Variants in CEP104 observed in about 807,000 individuals in gnomAD.
The protein encoded by CEP104 is centrosomal protein of 104 kDa.
Under a neutral mutation model 113.3 loss-of-function variants are expected in CEP104, and 84 were observed. The ratio of observed to expected loss-of-function variants is 0.74; its 90% CI spans 0.62 to 0.89. CEP104 has a LOEUF of 0.89. Among genes scored for constraint, CEP104 ranks in the 40% least tolerant of loss-of-function variants. The pLI is 0.00. For missense variants in CEP104, 1,053 were observed against 1,156.6 expected (o/e 0.91, Z 1.30); for synonymous variants, 378 against 421.7 (o/e 0.90, Z 1.27).
At chr1:3,834,090 G>C (rs1052383739) in intron 11 of CEP104, 55 bp from the exon 12 acceptor site, 1 of 1,361,418 alleles carries the variant, frequency 7.3e-7, no homozygotes, top group African/African-American at 1.4e-5. Context: ...TCCACCAAGA[G>C]GAAACATGGC....
chr1:3,844,079 C>T (rs991113248), intron 6 of CEP104, among the ~76,000 whole-genome samples: 25 of 151,520 alleles, frequency 1.6e-4, no homozygotes, highest in Non-Finnish European at 2.9e-4. Flanking sequence ...TTTTTAAAAA[C>T]GTATGTGATA....
At chr1:3,856,272 C>T (rs1644726639) in intron 1 of CEP104, among the ~76,000 whole-genome samples, 1 of 152,132 alleles carries the variant, frequency 6.6e-6, no homozygotes, top group Admixed American at 6.5e-5. Flanking sequence ...AGTCGGGCTA[C>T]TCGGGAGGCT....
At position 3,819,925 on chromosome 1, in the gene CEP104, G is replaced by T. The variant is rs112071309; in HGVS notation, c.2571+3249C>A. The stretch of plus-strand genomic sequence containing the variant: ...TCTAGGAGTTGAGTGGCTCCGGGTT[G>T]ACAGCCCCCAAGAACATATTACTGC... On this transcript the variant is annotated intron_variant, in intron 20 of 21. Coordinates refer to ENST00000378230, the MANE Select transcript of CEP104 (RefSeq NM_014704.4). This position sits in a 1 kb window ranked among gnomAD's most constrained non-coding sequence, Gnocchi z 4.6. Among the ~76,000 whole-genome samples, 3 of 152,264 alleles carry T rather than the reference G, an allele frequency of 2.0e-5. No homozygotes were observed. Among genetic ancestry groups the T allele is most frequent in the African/African-American group, 7.2e-5 (3 of 41,572 alleles).
chr1:3,831,607 T>C (rs7524765), intron 12 of CEP104, among the ~76,000 whole-genome samples: 55,456 of 152,116 alleles, frequency 0.36, 10,783 homozygotes, highest in Admixed American at 0.46. Context: ...TATTTTAGTA[T>C]TTATTAAATG....
At chr1:3,844,771 A>G (rs1406654994) in intron 6 of CEP104, 136 bp downstream of exon 6, 4 of 573,166 alleles carry the variant, frequency 7.0e-6, no homozygotes, top group Non-Finnish European at 1.2e-5. Context: ...TAAATTTCAG[A>G]CAATCCAATC....
At chr1:3,856,004 G>A in intron 1 of CEP104, 3 of 941,350 alleles carry the variant, frequency 3.2e-6, no homozygotes, top group Non-Finnish European at 3.8e-6. Flanking sequence ...TCCTAGTGCT[G>A]GCATGGTAAA....
chr1:3,845,293 T>C lies in CEP104; in HGVS notation c.485A>G (p.Asn162Ser), dbSNP rs867268929. Residue 162 changes from asparagine to serine, a missense_variant, in exon 5 of 22, where the codon AAT becomes AGT. Physicochemically the swap from Asn to Ser is conservative, Grantham distance 46 (BLOSUM62 1). Transcript: ENST00000378230. The stretch of plus-strand genomic sequence containing the variant: ...ATTAAAACTTTCCAAACTTACAGTA[T>C]TGCTTTCATCACTGAAATCTGCAGG... Reference protein sequence around the residue: ...GDPADFSDESNTASREKLIDH... With the variant: ...GDPADFSDESSTASREKLIDH... 1.7e-5 allele frequency: 27 copies of C among 1,601,284 alleles called. No homozygotes were observed. In the Middle Eastern group the frequency reaches 3.8e-3, roughly 226 times the overall value.
In CEP104 at chr1:3,856,914, G is replaced by A. The variant is rs1644746484; in HGVS notation, c.-40C>T. On this transcript the variant is annotated 5_prime_UTR_variant, in exon 1 of 22. Coordinates refer to ENST00000378230, the MANE Select transcript of CEP104 (RefSeq NM_014704.4). ...CTGCTTAGAGGGAAGGGCCCCGACT[G>A]GCGCTGCCGCGGCCCCGGTGGAGAG... is the stretch of plus-strand genomic sequence containing the variant. 6.6e-6 allele frequency: 1 copy of A among 151,852 alleles called. No homozygotes were observed. The highest frequency in any genetic ancestry group is 6.6e-5 in the Admixed American group (1 of 15,234). The allele number at this position is 151,852 out of a possible 1,614,324, so 9.4% of individuals were successfully genotyped here. A position where few individuals can be genotyped will look rare whatever the true frequency, so the allele number is the denominator to read the frequency against.
rs7540242 is a variant in CEP104, at chr1:3,836,243, T to G, written c.1317+252A>C. 9.3e-3 allele frequency among the ~76,000 whole-genome samples: 1,404 copies of G among 150,628 alleles called. 19 individuals are homozygous for G. Among genetic ancestry groups the G allele is most frequent in the African/African-American group, 0.032 (1,324 of 40,932 alleles). ...ACAGGGTGAAGCCAGGAGGCGGAGCTTGCAGTGAGCGGAGATCTTGCCACT... is the reference window on the plus strand; with the variant it reads ...ACAGGGTGAAGCCAGGAGGCGGAGCGTGCAGTGAGCGGAGATCTTGCCACT... On this transcript the variant is annotated intron_variant, in intron 10 of 21. Transcript: ENST00000378230.
chr1:3,823,244 G>C lies in CEP104; in HGVS notation c.2504-3C>G, dbSNP rs1442394418. On this transcript the variant is annotated splice_polypyrimidine_tract_variant and splice_region_variant and intron_variant, in intron 19 of 21. Transcript: ENST00000378230. The surrounding 1 kb of genome is among the most constrained non-coding windows in gnomAD (Gnocchi z 4.1). ...TGCCAGCTTCTCCGGTTTGGCAGCTGAAATGATTTTAAAAAGACTCAGTCG... is the reference window on the plus strand; with the variant it reads ...TGCCAGCTTCTCCGGTTTGGCAGCTCAAATGATTTTAAAAAGACTCAGTCG... The C allele has an allele frequency of 6.2e-7, 1 of 1,614,172 alleles. No individual in the cohort carries two copies. The highest frequency in any genetic ancestry group is 2.2e-5 in the East Asian group (1 of 44,882).
At chr1:3,847,423 TC>T in intron 4 of CEP104, 51 bp downstream of exon 4, 1 of 1,490,694 alleles carries the variant, frequency 6.7e-7, no homozygotes, top group Non-Finnish European at 9.0e-7. Flanking sequence ...GACCACATAA[TC>T]CCACAAAGAA....
At chr1:3,852,806 G>A (rs1039215272) in intron 1 of CEP104, among the ~76,000 whole-genome samples, 4 of 152,188 alleles carry the variant, frequency 2.6e-5, no homozygotes, top group African/African-American at 7.2e-5. Flanking sequence ...CCAATGCAAC[G>A]TGACTTCTAA....
intron 2 of CEP104, among the ~76,000 whole-genome samples, chr1:3,851,794 C>T (rs1037810437): frequency 3.3e-5 from 5 of 152,154 alleles, no homozygotes; most frequent in East Asian, 1.9e-4. Context: ...GGACTGCAGG[C>T]GGGAGCCACT....
At chr1:3,849,400 C>T (rs2124695104) in intron 2 of CEP104, among the ~76,000 whole-genome samples, 1 of 152,040 alleles carries the variant, frequency 6.6e-6, no homozygotes, top group South Asian at 2.1e-4. Context: ...GGAGTTGGGA[C>T]CACAGGTGTG....
chr1:3,829,975 T>C lies in CEP104; in HGVS notation c.1859A>G (p.His620Arg). 6.2e-6 allele frequency: 10 copies of C among 1,614,198 alleles called. No homozygotes were observed. Among genetic ancestry groups the C allele is most frequent in the Non-Finnish European group, 8.5e-6 (10 of 1,180,018 alleles). The change falls in exon 14 of 22, where the codon CAT becomes CGT. Residue 620 changes from histidine (H) to arginine (R), a missense_variant. Transcript: ENST00000378230. ...VMKFSVSALE[H>R]RVYEVRETAV... ...CGTCTCGCGGACCTCATACACTCTATGCTCCAGGGCACTCACTGAAAACTA... is the reference window on the plus strand; with the variant it reads ...CGTCTCGCGGACCTCATACACTCTACGCTCCAGGGCACTCACTGAAAACTA...
chr1:3,827,420 A>G lies in CEP104; in HGVS notation c.2152-676T>C, dbSNP rs865834850. On this transcript the variant is annotated intron_variant, in intron 15 of 21. Coordinates refer to ENST00000378230, the MANE Select transcript of CEP104 (RefSeq NM_014704.4). ...GTTTTAGTAGAGATGAGGTCTCACT[A>G]TGTTGCCCAGGCTGGTCTTGAACTT... Among the ~76,000 whole-genome samples the G allele has an allele frequency of 5.3e-5, 8 of 152,074 alleles. No homozygotes were observed. In the Middle Eastern group the frequency reaches 0.01, roughly 194 times the overall value.
Position 3,831,074 on chromosome 1 carries a change from G to A in CEP104, c.1808C>T (p.Ser603Leu), listed in dbSNP as rs1045229909. 1.2e-6 allele frequency: 2 copies of A among 1,614,030 alleles called. No homozygotes were observed. The highest frequency in any genetic ancestry group is 2.2e-5 in the East Asian group (1 of 44,880). Residue 603 changes from serine (S) to leucine (L), a missense_variant, in exon 13 of 22, where the codon TCG (serine) becomes TTG (leucine). Transcript: ENST00000378230. ...CATCACGTTGTCAATGGTGAAGCCC[G>A]AGCTGCCAGTGCCCAGGTCTTTCAG... is the stretch of plus-strand genomic sequence containing the variant. ...RLLKDLGTGS[S>L]GFTIDNVMKF...
chr1:3,848,769 A>G lies in CEP104; in HGVS notation c.126T>C (p.Phe42=), dbSNP rs1644557024. The G allele has an allele frequency of 6.2e-7, 1 of 1,607,280 alleles. No homozygotes were observed. The highest frequency in any genetic ancestry group is 1.7e-5 in the Admixed American group (1 of 57,586). ...SGWRSPRFCQ[F]PQEIVLQMVE... is the part of the protein sequence containing the mutation. The stretch of plus-strand genomic sequence containing the variant: ...CCATTTGAAGGACAATTTCTTGTGG[A>G]AACTGGCAAAATCTGAAAGCAAACA... The change falls in exon 3 of 22, where the codon TTT becomes TTC. Residue 42 remains phenylalanine (F), a synonymous_variant. Transcript: ENST00000378230.
chr1:3,836,470 T>A, intron 10 of CEP104, 25 bp downstream of exon 10: 1 of 846,390 alleles, frequency 1.2e-6, no homozygotes, highest in Non-Finnish European at 1.6e-6. Context: ...GCCACCCCGT[T>A]TTTTTTTTTT....
Sources: gnomAD v4.1 joint callset for allele counts (sites outside exome capture counted in the v4.1 genomes callset) on GRCh38, gnomAD v4.1.1 for gene constraint, Gnocchi (gnomAD v3.1) non-coding constraint, MANE v1.5 for transcripts, NCBI Gene and HGNC (gene_info 2026-07-23, HGNC 2026-07-21) for gene names.